Variants in RASD2 observed in about 807,000 individuals in gnomAD.
RASD2 encodes the protein GTP-binding protein Rhes.
In RASD2, 7 loss-of-function variants were observed where a neutral mutation model predicts 15.8. That is an observed-to-expected ratio of 0.44 (90% confidence interval 0.25 to 0.83). The LOEUF (loss-of-function observed/expected upper bound fraction) is 0.83, where lower values mean the gene tolerates loss of function less well. Among genes scored for constraint, RASD2 ranks in the 40% least tolerant of loss-of-function variants. The pLI is 0.20. For missense variants in RASD2, 274 were observed against 382.8 expected (o/e 0.72, Z 2.37); for synonymous variants, 155 against 153.6 (o/e 1.01, Z -0.07).
In RASD2 at chr22:35,552,215, T is replaced by TC; in HGVS notation, c.*185dup. On this transcript the variant is annotated 3_prime_UTR_variant, in exon 3 of 3. Transcript: ENST00000216127. ...TCTGCCTTCTCACAGCTTTCCTGAG[T>TC]CCGCTTGTCCACAGCTCCTTGGTGG... 1 of 734,946 alleles carries TC rather than the reference T, an allele frequency of 1.4e-6. No individual in the cohort carries two copies. Among genetic ancestry groups the TC allele is most frequent in the South Asian group, 1.9e-5 (1 of 51,986 alleles). The allele number at this position is 734,946 out of a possible 1,614,324, so 45.5% of individuals were successfully genotyped here.
intron 2 of RASD2, among the ~76,000 whole-genome samples, chr22:35,548,973 G>A (rs536617103): frequency 6.6e-6 from 1 of 152,334 alleles, no homozygotes; most frequent in East Asian, 1.9e-4. Flanking sequence ...GAGGGGACTG[G>A]GTACCCGCTG....
At chr22:35,543,963 A>T (rs1934424782) in intron 1 of RASD2, among the ~76,000 whole-genome samples, 1 of 138,020 alleles carries the variant, frequency 7.2e-6, no homozygotes, top group South Asian at 2.3e-4. Context: ...CCTCTCTCTG[A>T]TTCCCTGCCT....
chr22:35,532,831 G>A, the RASD2 span, among the ~76,000 whole-genome samples: 2 of 152,030 alleles, frequency 1.3e-5, no homozygotes, highest in African/African-American at 2.4e-5. Flanking sequence ...CAGGTTCTTC[G>A]GTGCCCTCCA....
intron 1 of RASD2, among the ~76,000 whole-genome samples, chr22:35,542,355 G>A (rs1473045141): frequency 5.3e-5 from 8 of 152,226 alleles, no homozygotes; most frequent in African/African-American, 1.2e-4. Flanking sequence ...GGTTTGCTGC[G>A]GGTCAAGAGC....
At chr22:35,544,029 C>T (rs763358309) in intron 1 of RASD2, among the ~76,000 whole-genome samples, 9 of 151,608 alleles carry the variant, frequency 5.9e-5, no homozygotes, top group East Asian at 5.8e-4. Context: ...CGATTCTCTG[C>T]GTCTTTGACT....
chr22:35,546,032 C>T (rs937062885), intron 1 of RASD2, among the ~76,000 whole-genome samples: 19 of 152,128 alleles, frequency 1.2e-4, no homozygotes, highest in Admixed American at 2.0e-4. Context: ...AGCCATGGGT[C>T]GTTCCCCATT....
intron 2 of RASD2, among the ~76,000 whole-genome samples, chr22:35,548,145 G>T (rs1157742359): frequency 6.6e-6 from 1 of 152,178 alleles, no homozygotes. Flanking sequence ...GAGCTGAGGG[G>T]CTGTGCCCTT....
chr22:35,537,348 C>T (rs1231890494), upstream of RASD2, among the ~76,000 whole-genome samples: 1 of 152,182 alleles, frequency 6.6e-6, no homozygotes, highest in Non-Finnish European at 1.5e-5. Context: ...AGATGCTGCC[C>T]TTAATGATGT....
chr22:35,552,816 A>G lies in RASD2; in HGVS notation c.*784A>G, dbSNP rs374236424. ...TGACTCCCTCCTTGGCCAGGCCCTC[A>G]CCCAGTTCAGATCCACGGCCTCCAC... On this transcript the variant is annotated 3_prime_UTR_variant, in exon 3 of 3. Transcript: ENST00000216127. The G allele has an allele frequency of 1.3e-5, 2 of 152,412 alleles. No individual in the cohort carries two copies. Among genetic ancestry groups the G allele is most frequent in the African/African-American group, 4.8e-5 (2 of 41,292 alleles). The allele number at this position is 152,412 out of a possible 1,614,324, so 9.4% of individuals were successfully genotyped here.
intron 2 of RASD2, among the ~76,000 whole-genome samples, chr22:35,547,683 C>T (rs973083885): frequency 5.9e-5 from 9 of 152,158 alleles, no homozygotes; most frequent in African/African-American, 1.7e-4. Flanking sequence ...GGCGCGATCT[C>T]GGCTCACTGC....
rs1365488395 is a variant in RASD2, at chr22:35,552,075, G to A, written c.*43G>A. On this transcript the variant is annotated 3_prime_UTR_variant, in exon 3 of 3. Transcript: ENST00000216127. ...GGGGCTTGGCCAGTGCCTTCAGGGA[G>A]GTGGCCCCAGATGCCCACTGTGCGC... 7.7e-6 allele frequency: 12 copies of A among 1,559,694 alleles called. No homozygotes were observed. The highest frequency in any genetic ancestry group is 1.2e-5 in the South Asian group (1 of 85,952).
chr22:35,545,522 CCAACCTGCA>C (rs1226072801), intron 1 of RASD2, among the ~76,000 whole-genome samples: 6 of 152,232 alleles, frequency 3.9e-5, no homozygotes, highest in African/African-American at 1.4e-4. Flanking sequence ...TGTGCAGTAT[CCAACCTGCA>C]CAACCTGTGG....
At chr22:35,535,745 G>A in the RASD2 span, among the ~76,000 whole-genome samples, 3 of 152,232 alleles carry the variant, frequency 2.0e-5, no homozygotes, top group African/African-American at 7.2e-5. Flanking sequence ...ACAAGTCAGT[G>A]TCTTTGGCTG....
the RASD2 span, among the ~76,000 whole-genome samples, chr22:35,534,837 A>G: frequency 6.6e-6 from 1 of 152,194 alleles, no homozygotes; most frequent in Non-Finnish European, 1.5e-5. Context: ...TTTTATTTGC[A>G]TAAAAACAAC....
At position 35,546,987 on chromosome 22, in the gene RASD2, T is replaced by A; in HGVS notation, c.178T>A (p.Tyr60Asn). The change falls in exon 2 of 3, where the codon TAC (tyrosine) becomes AAC (asparagine). Residue 60 changes from tyrosine (Y) to asparagine (N), a missense_variant. Coordinates refer to ENST00000216127, the MANE Select transcript of RASD2 (RefSeq NM_014310.4). ...CATCGAGGACTTCCACCGTAAGGTATACAACATCCGCGGCGACATGTACCA... is the reference window on the plus strand; with the variant it reads ...CATCGAGGACTTCCACCGTAAGGTAAACAACATCCGCGGCGACATGTACCA... ...PTIEDFHRKV[Y>N]NIRGDMYQLD... The A allele has an allele frequency of 6.2e-7, 1 of 1,614,108 alleles. No homozygotes were observed. Among genetic ancestry groups the A allele is most frequent in the Non-Finnish European group, 8.5e-7 (1 of 1,180,022 alleles).
At chr22:35,545,629 G>A (rs1259501238) in intron 1 of RASD2, among the ~76,000 whole-genome samples, 1 of 152,186 alleles carries the variant, frequency 6.6e-6, no homozygotes, top group Non-Finnish European at 1.5e-5. Flanking sequence ...CTCTGGAGAG[G>A]GGAGGGATTC....
At chr22:35,540,520 C>T (rs1286904466), upstream of RASD2, among the ~76,000 whole-genome samples, 1 of 150,886 alleles carries the variant, frequency 6.6e-6, no homozygotes, top group Non-Finnish European at 1.5e-5. Context: ...CGGCGGGAGG[C>T]GCGGCTCGCG....
rs1934381259 is a variant in RASD2 at position 35,542,614 on chromosome 22, T to C, written c.-10+1114T>C. The stretch of plus-strand genomic sequence containing the variant: ...CAGAGTGGCAGCTGGAAGCCAGTGA[T>C]GGCAATGTGCGTGTCCAAAGAGGCT... On this transcript the variant is annotated intron_variant, in intron 1 of 2. Transcript: ENST00000216127. 2.0e-5 allele frequency among the ~76,000 whole-genome samples: 3 copies of C among 152,304 alleles called. No homozygotes were observed. In the South Asian group the frequency reaches 6.2e-4, roughly 32 times the overall value.
upstream of RASD2, among the ~76,000 whole-genome samples, chr22:35,535,843 T>C (rs1283575885): frequency 6.8e-6 from 1 of 147,462 alleles, no homozygotes; most frequent in Non-Finnish European, 1.5e-5. Context: ...CAAACTTCTG[T>C]TTAGTTGGGA....
Sources: allele counts gnomAD v4.1 joint callset (sites outside exome capture counted in the v4.1 genomes callset), GRCh38; gene constraint gnomAD v4.1.1; transcripts MANE v1.5; gene names NCBI Gene and HGNC (gene_info 2026-07-23, HGNC 2026-07-21).